The following CNTN1 variants were observed in gnomAD, a reference collection of about 807,000 sequenced individuals.
CNTN1 encodes the protein contactin 1, also known as contactin-1.
Under a neutral mutation model 126.4 loss-of-function variants are expected in CNTN1, and 38 were observed. That is an observed-to-expected ratio of 0.30 (90% confidence interval 0.23 to 0.39). CNTN1 has a LOEUF of 0.39. CNTN1 is among the 10% of genes least tolerant of loss of function. The probability of loss-of-function intolerance (pLI) is 1.00; values close to 1 mark genes in which losing one functional copy is unlikely to be tolerated. For missense variants in CNTN1, 1,009 were observed against 1,248.4 expected, an observed-to-expected ratio of 0.81 and a Z score of 2.89; for synonymous variants, 413 against 422.6, an observed-to-expected ratio of 0.98 and a Z score of 0.28.
chr12:40,985,518 C>T (rs2120430940), intron 16 of CNTN1, among the ~76,000 whole-genome samples: 1 of 152,132 alleles, frequency 6.6e-6, no homozygotes, highest in Middle Eastern at 3.4e-3. Context: ...TTACTTTGAT[C>T]ACTTTAAAAA....
chr12:40,845,083 G>A (rs1942450881), intron 1 of CNTN1, among the ~76,000 whole-genome samples: 1 of 152,174 alleles, frequency 6.6e-6, no homozygotes, highest in African/African-American at 2.4e-5. Flanking sequence ...GGTGCCCATT[G>A]AGATATGCTC....
chr12:40,816,105 CATTTTCTTTTTTTGTT>C (rs1373910416), intron 1 of CNTN1, among the ~76,000 whole-genome samples: 12 of 151,896 alleles, frequency 7.9e-5, no homozygotes, highest in African/African-American at 2.9e-4. Context: ...ACTGGCCTGA[CATTTTCTTTTTTTGTT>C]GTGTCTCTTC....
At chr12:41,050,090 G>T (rs1006154814) in intron 23 of CNTN1, among the ~76,000 whole-genome samples, 1 of 152,154 alleles carries the variant, frequency 6.6e-6, no homozygotes, top group African/African-American at 2.4e-5. Flanking sequence ...AGTAGAGACA[G>T]GGTTTTGCCA....
chr12:40,868,917 C>G (rs1943395964), intron 1 of CNTN1, among the ~76,000 whole-genome samples: 1 of 152,032 alleles, frequency 6.6e-6, no homozygotes, highest in Non-Finnish European at 1.5e-5. Flanking sequence ...TCACCCACTT[C>G]TCAGTTTTGC....
At position 40,928,546 on chromosome 12, in the gene CNTN1, C is replaced by T. The variant is rs568412964; in HGVS notation, c.497-1250C>T. On this transcript the variant is annotated intron_variant, in intron 6 of 23. Transcript: ENST00000551295. Reference sequence around the variant, plus strand: ...CTAATTATGGTAGTCTAATTTTCTGCCTCTTTTTATCTGTATTCTGTTTCT... The same window carrying T: ...CTAATTATGGTAGTCTAATTTTCTGTCTCTTTTTATCTGTATTCTGTTTCT... Among the ~76,000 whole-genome samples, 79 of 152,074 alleles carry T rather than the reference C, an allele frequency of 5.2e-4. No homozygotes were observed. In the South Asian group the frequency reaches 0.016, roughly 31 times the overall value.
chr12:40,830,243 G>C (rs1015685170), intron 1 of CNTN1, among the ~76,000 whole-genome samples: 1 of 152,002 alleles, frequency 6.6e-6, no homozygotes, highest in Non-Finnish European at 1.5e-5. Context: ...TGCTTCCCAC[G>C]GTGGTTATAA....
rs760190868 is a variant in CNTN1, at chr12:40,924,518, C to CAGAGA, written c.401-38_401-34dup. ...GATGAATGTCTCTCTTTCTATTGAC[C>CAGAGA]AGAGAGTGAATGTTTCTCTTTTTTT... On this transcript the variant is annotated intron_variant, in intron 5 of 23. Coordinates refer to ENST00000551295, the MANE Select transcript of CNTN1 (RefSeq NM_001843.4). 3 of 1,043,524 alleles carry CAGAGA rather than the reference C, an allele frequency of 2.9e-6. No homozygotes were observed. The South Asian group carries it at 3.9e-5, about 14-fold the overall frequency. The allele number at this position is 1,043,524 out of a possible 1,614,324, so 64.6% of individuals were successfully genotyped here. A position where few individuals can be genotyped will look rare whatever the true frequency, so the allele number is the denominator to read the frequency against.
At chr12:40,952,040 A>C (rs1030772354) in intron 14 of CNTN1, among the ~76,000 whole-genome samples, 3 of 152,068 alleles carry the variant, frequency 2.0e-5, no homozygotes, top group Non-Finnish European at 4.4e-5. Context: ...TATTCTTTCT[A>C]CTTATGCTTG....
chr12:40,751,844 A>T (rs530734557), intron 1 of CNTN1, among the ~76,000 whole-genome samples: 3 of 152,222 alleles, frequency 2.0e-5, no homozygotes, highest in South Asian at 4.1e-4. Context: ...AGATGAAATT[A>T]TATGGTCTCT....
At chr12:41,015,039 G>A (rs1258355024) in intron 18 of CNTN1, among the ~76,000 whole-genome samples, 1 of 152,120 alleles carries the variant, frequency 6.6e-6, no homozygotes, top group Non-Finnish European at 1.5e-5. Flanking sequence ...AGGCTCCAAA[G>A]GATTTTGAAG....
intron 1 of CNTN1, among the ~76,000 whole-genome samples, chr12:40,893,196 A>G (rs1163590542): frequency 1.3e-5 from 2 of 152,054 alleles, no homozygotes; most frequent in African/African-American, 4.8e-5. Context: ...ATCACTCTGC[A>G]TAGTCATGTT....
intron 6 of CNTN1, among the ~76,000 whole-genome samples, chr12:40,928,689 A>G (rs1447805937): frequency 2.6e-5 from 4 of 152,104 alleles, no homozygotes; most frequent in South Asian, 4.1e-4. Context: ...AGAAAATTAC[A>G]TAGCTAAGCT....
intron 1 of CNTN1, among the ~76,000 whole-genome samples, chr12:40,788,386 C>T (rs1183891669): frequency 2.6e-5 from 4 of 152,118 alleles, no homozygotes; most frequent in Non-Finnish European, 5.9e-5. Context: ...CATGTCCACC[C>T]TGATGCAGTA....
intron 23 of CNTN1, among the ~76,000 whole-genome samples, chr12:41,057,793 T>C (rs1479882247): frequency 1.3e-5 from 2 of 152,068 alleles, no homozygotes; most frequent in Non-Finnish European, 2.9e-5. Context: ...TTTGCTTTTC[T>C]TATACATAAG....
At chr12:40,903,407 C>T (rs1330758761) in intron 1 of CNTN1, among the ~76,000 whole-genome samples, 4 of 129,168 alleles carry the variant, frequency 3.1e-5, no homozygotes, top group Non-Finnish European at 4.9e-5. Flanking sequence ...TTTTTTTTGC[C>T]TCTGTCACTT....
intron 11 of CNTN1, 49 bp downstream of exon 11, chr12:40,937,736 A>G (rs1946128962): frequency 2.9e-6 from 3 of 1,044,230 alleles, no homozygotes; most frequent in Non-Finnish European, 3.0e-6. Flanking sequence ...GCAATATGTC[A>G]TATCACACAA....
intron 1 of CNTN1, among the ~76,000 whole-genome samples, chr12:40,703,373 C>A (rs1941649416): frequency 6.6e-6 from 1 of 152,008 alleles, no homozygotes; most frequent in Non-Finnish European, 1.5e-5. Flanking sequence ...AGTTAAACTC[C>A]CCTGCTTTCA....
intron 17 of CNTN1, among the ~76,000 whole-genome samples, chr12:41,002,338 G>A (rs938965991): frequency 2.6e-5 from 4 of 151,978 alleles, no homozygotes; most frequent in Non-Finnish European, 4.4e-5. Context: ...AGTTCTCCTT[G>A]TAGAGATATT....
At chr12:40,864,552 A>G (rs1592175530) in intron 1 of CNTN1, among the ~76,000 whole-genome samples, 2 of 152,122 alleles carry the variant, frequency 1.3e-5, no homozygotes, top group Middle Eastern at 3.4e-3. Flanking sequence ...TGATTTACCT[A>G]TTCTGGACAC....
Sources: allele counts gnomAD v4.1 joint callset (sites outside exome capture counted in the v4.1 genomes callset), GRCh38; gene constraint gnomAD v4.1.1; transcripts MANE v1.5; gene names NCBI Gene and HGNC (gene_info 2026-07-23, HGNC 2026-07-21).